The following AUTS2 variants were observed in gnomAD, a reference collection of about 807,000 sequenced individuals.
The protein encoded by AUTS2 is activator of transcription and developmental regulator AUTS2.
In AUTS2, 17 loss-of-function variants were observed where a neutral mutation model predicts 112.4. That is an observed-to-expected ratio of 0.15 (90% CI 0.10 to 0.23). The LOEUF is 0.23. Ranked by LOEUF, AUTS2 falls within the 10% of genes least tolerant of loss-of-function variation. The pLI is 1.00. For missense variants in AUTS2, 1,510 were observed against 1,701.6 expected (o/e 0.89, Z 1.98); for synonymous variants, 751 against 702.7 (o/e 1.07, Z -1.09).
intron 4 of AUTS2, among the ~76,000 whole-genome samples, chr7:70,417,089 C>T (rs1795018276): frequency 1.3e-5 from 2 of 152,218 alleles, no homozygotes; most frequent in South Asian, 4.1e-4. Context: ...ACAGCCCCTC[C>T]ACTCTGCTGG....
intron 2 of AUTS2, among the ~76,000 whole-genome samples, chr7:70,068,213 T>C (rs1802586259): frequency 1.3e-5 from 2 of 151,184 alleles, no homozygotes; most frequent in Admixed American, 6.6e-5. Flanking sequence ...GAGTCTTGCT[T>C]GTGGCCCAGG....
At chr7:70,626,063 C>T (rs1380010822) in intron 5 of AUTS2, among the ~76,000 whole-genome samples, 1 of 152,010 alleles carries the variant, frequency 6.6e-6, no homozygotes, top group Non-Finnish European at 1.5e-5. Context: ...TAGGCACACA[C>T]TACCACACCC....
intron 1 of AUTS2, among the ~76,000 whole-genome samples, chr7:69,741,335 G>A (rs184042119): frequency 7.7e-4 from 117 of 152,214 alleles, no homozygotes; most frequent in Admixed American, 6.2e-3. Flanking sequence ...CTCGAACCCC[G>A]ATTTGGTTTT....
Position 70,301,734 on chromosome 7 carries a change from G to T in AUTS2, c.661-134018G>T, listed in dbSNP as rs548075398. Among the ~76,000 whole-genome samples, 8 of 151,988 alleles carry T rather than the reference G, an allele frequency of 5.3e-5. No individual in the cohort carries two copies. In the South Asian group the frequency reaches 1.7e-3, roughly 32 times the overall value. On this transcript the variant is annotated intron_variant, in intron 4 of 18. Transcript: ENST00000342771. ...ACACAAACATACATTTAAAAAAAAT[G>T]CCATACTAAAGTCCAAAAGGAATGG...
At chr7:69,960,349 A>C (rs1232950646) in intron 2 of AUTS2, among the ~76,000 whole-genome samples, 1 of 152,178 alleles carries the variant, frequency 6.6e-6, no homozygotes, top group African/African-American at 2.4e-5. Context: ...CTATTACCAT[A>C]ATTGATGCAC....
At chr7:69,934,816 G>T (rs1584464160) in intron 2 of AUTS2, among the ~76,000 whole-genome samples, 1 of 152,156 alleles carries the variant, frequency 6.6e-6, no homozygotes, top group Non-Finnish European at 1.5e-5. Flanking sequence ...CAAGACAAAT[G>T]CAGCCACTCT....
chr7:70,006,755 G>A (rs186201713), intron 2 of AUTS2, among the ~76,000 whole-genome samples: 9 of 152,258 alleles, frequency 5.9e-5, no homozygotes, highest in Admixed American at 2.6e-4. Flanking sequence ...CAGAGCAGAA[G>A]GATGTGCTGC....
chr7:70,304,170 C>A (rs1009370159), intron 4 of AUTS2, among the ~76,000 whole-genome samples: 1 of 152,184 alleles, frequency 6.6e-6, no homozygotes, highest in Non-Finnish European at 1.5e-5. Context: ...CTCTTCTACT[C>A]AGCATTATCC....
chr7:69,659,583 GTTTTTTTTTTT>G (rs58289887), intron 1 of AUTS2, among the ~76,000 whole-genome samples: 8 of 81,278 alleles, frequency 9.8e-5, no homozygotes, highest in South Asian at 1.0e-3. Context: ...AGGCTTAGTT[GTTTTTTTTTTT>G]TTTTTTTTTT....
At chr7:69,773,908 A>G (rs1490313016) in intron 1 of AUTS2, among the ~76,000 whole-genome samples, 1 of 152,224 alleles carries the variant, frequency 6.6e-6, no homozygotes, top group Non-Finnish European at 1.5e-5. Context: ...AACTTGGAGG[A>G]AATAAACCAG....
At chr7:69,978,701 C>T (rs1798157525) in intron 2 of AUTS2, among the ~76,000 whole-genome samples, 1 of 151,930 alleles carries the variant, frequency 6.6e-6, no homozygotes, top group Non-Finnish European at 1.5e-5. Flanking sequence ...AAAAATTTAG[C>T]TGGGTGTAGT....
chr7:70,776,075 T>C (rs1790669181), intron 13 of AUTS2, among the ~76,000 whole-genome samples: 1 of 152,202 alleles, frequency 6.6e-6, no homozygotes, highest in African/African-American at 2.4e-5. Context: ...ATCACTTAGG[T>C]GAGGCAGTAT....
intron 1 of AUTS2, among the ~76,000 whole-genome samples, chr7:69,768,960 G>T (rs766739545): frequency 2.0e-5 from 3 of 152,170 alleles, no homozygotes; most frequent in Admixed American, 6.5e-5. Context: ...GAAATGCATG[G>T]CAGAGTGTGG....
At chr7:70,681,335 C>T (rs960845860) in intron 5 of AUTS2, among the ~76,000 whole-genome samples, 3 of 152,042 alleles carry the variant, frequency 2.0e-5, no homozygotes, top group South Asian at 2.1e-4. Context: ...GTTTGCAGCC[C>T]GCTTTTCATG....
chr7:70,129,652 A>G (rs761253289), intron 3 of AUTS2, among the ~76,000 whole-genome samples: 3 of 152,136 alleles, frequency 2.0e-5, no homozygotes, highest in Non-Finnish European at 2.9e-5. Context: ...TAAAATGTTT[A>G]TTTTGCCTTT....
At chr7:70,345,874 C>G (rs955838109) in intron 4 of AUTS2, among the ~76,000 whole-genome samples, 1 of 152,178 alleles carries the variant, frequency 6.6e-6, no homozygotes, top group Admixed American at 6.5e-5. Flanking sequence ...GTCAGATGCT[C>G]TGCCATTAAC....
chr7:69,808,643 A>G (rs1276917414), intron 1 of AUTS2, among the ~76,000 whole-genome samples: 6 of 152,152 alleles, frequency 3.9e-5, no homozygotes, highest in Admixed American at 3.9e-4. Flanking sequence ...ATTCAGGCAG[A>G]TGAGCCCCAC....
intron 4 of AUTS2, among the ~76,000 whole-genome samples, chr7:70,208,610 C>T (rs1195369449): frequency 6.6e-6 from 1 of 151,886 alleles, no homozygotes; most frequent in Non-Finnish European, 1.5e-5. Context: ...CTGTCAAAGA[C>T]GTAACATTCC....
At chr7:70,637,043 A>G (rs1464772265) in intron 5 of AUTS2, among the ~76,000 whole-genome samples, 1 of 152,142 alleles carries the variant, frequency 6.6e-6, no homozygotes, top group Non-Finnish European at 1.5e-5. Flanking sequence ...CTTATGTGTT[A>G]TGTCAGGTAG....
Sources: gnomAD v4.1 joint callset for allele counts (sites outside exome capture counted in the v4.1 genomes callset) on GRCh38, gnomAD v4.1.1 for gene constraint, MANE v1.5 for transcripts, NCBI Gene and HGNC (gene_info 2026-07-23, HGNC 2026-07-21) for gene names.